Variants in RBM27 observed in about 807,000 individuals in gnomAD.
The protein encoded by RBM27 is RNA-binding protein 27.
A neutral mutation model predicts 135.3 loss-of-function variants in RBM27; 22 were observed. The observed-to-expected ratio is 0.16, with a 90% CI of 0.12 to 0.23. The LOEUF is 0.23. Ranked by LOEUF, RBM27 falls within the 10% of genes least tolerant of loss-of-function variation. The pLI is 1.00. For synonymous variants in RBM27, 481 were observed against 442.4 expected, an observed-to-expected ratio of 1.09 and a Z score of -1.10; for missense variants, 1,009 against 1,281.0, an observed-to-expected ratio of 0.79 and a Z score of 3.24.
At chr5:146,234,519 T>A (rs368225183) in intron 7 of RBM27, among the ~76,000 whole-genome samples, 9 of 148,980 alleles carry the variant, frequency 6.0e-5, no homozygotes, top group East Asian at 1.9e-4. Flanking sequence ...TTTTGTTATT[T>A]AAAAAAAAAA....
At chr5:146,212,051 T>C in intron 1 of RBM27, among the ~76,000 whole-genome samples, 1 of 151,916 alleles carries the variant, frequency 6.6e-6, no homozygotes, top group East Asian at 1.9e-4. Flanking sequence ...GTTTTTTTGG[T>C]TTTTATTGTT....
At chr5:146,278,305 T>TA (rs1759178001) in intron 19 of RBM27, among the ~76,000 whole-genome samples, 1 of 152,176 alleles carries the variant, frequency 6.6e-6, no homozygotes, top group Admixed American at 6.5e-5. Flanking sequence ...ATGGTATATA[T>TA]AGTTGATCTC....
intron 11 of RBM27, among the ~76,000 whole-genome samples, chr5:146,259,253 C>T (rs571880132): frequency 5.3e-5 from 8 of 152,002 alleles, no homozygotes; most frequent in South Asian, 4.2e-4. Flanking sequence ...CAGTGGCTCA[C>T]GCCTATAATC....
In RBM27 at chr5:146,203,743, G is replaced by A; in HGVS notation, c.-23G>A. The A allele has an allele frequency of 6.5e-7, 1 of 1,548,914 alleles. No homozygotes were observed. The highest frequency in any genetic ancestry group is 8.7e-7 in the Non-Finnish European group (1 of 1,145,668). On this transcript the variant is annotated 5_prime_UTR_variant, in exon 1 of 21. Coordinates refer to ENST00000265271, the MANE Select transcript of RBM27 (RefSeq NM_018989.2). ...ACGGCAGGCCTGAAGAAGAGCGGCG[G>A]CCGAGCCCGCCTTCCCTGCACCATG... is the stretch of plus-strand genomic sequence containing the variant.
Position 146,228,959 on chromosome 5 carries a change from C to T in RBM27, c.317C>T (p.Pro106Leu). 6.2e-7 allele frequency: 1 copy of T among 1,613,212 alleles called. No individual in the cohort carries two copies. The highest frequency in any genetic ancestry group is 8.5e-7 in the Non-Finnish European group (1 of 1,179,496). The stretch of plus-strand genomic sequence containing the variant: ...ATTTTCATATAGGTATTTCAGGAGC[C>T]AGCAGAGGAAGAACGAGATGGCAGA... ...EEIKEEVFQE[P>L]AEEERDGRKK... Residue 106 changes from proline to leucine, a missense_variant, in exon 4 of 21, where the codon CCA becomes CTA. Pro to Leu is a moderately conservative substitution (Grantham distance 98, BLOSUM62 -3). Transcript: ENST00000265271.
At chr5:146,215,933 T>C (rs1448478359) in intron 1 of RBM27, among the ~76,000 whole-genome samples, 1 of 152,080 alleles carries the variant, frequency 6.6e-6, no homozygotes, top group Non-Finnish European at 1.5e-5. Flanking sequence ...GTATTTTTAG[T>C]AGAGACGGGA....
chr5:146,262,873 TTTC>T (rs752608999), intron 13 of RBM27, among the ~76,000 whole-genome samples: 87 of 152,098 alleles, frequency 5.7e-4, no homozygotes, highest in Non-Finnish European at 9.6e-4. Context: ...CCCTAATTCT[TTTC>T]TTCTTCTTTT....
intron 11 of RBM27, among the ~76,000 whole-genome samples, chr5:146,259,429 G>C (rs1031687802): frequency 6.7e-6 from 1 of 150,356 alleles, no homozygotes; most frequent in Non-Finnish European, 1.5e-5. Context: ...GCTGGAACCT[G>C]GGAGGCGGAG....
At chr5:146,244,694 C>T (rs1176838065) in intron 8 of RBM27, among the ~76,000 whole-genome samples, 1 of 151,998 alleles carries the variant, frequency 6.6e-6, no homozygotes, top group Non-Finnish European at 1.5e-5. Flanking sequence ...CATGCACCAC[C>T]ATGCCCAGCT....
intron 17 of RBM27, 38 bp downstream of exon 17, chr5:146,269,622 G>T: frequency 7.2e-7 from 1 of 1,395,036 alleles, no homozygotes; most frequent in South Asian, 1.7e-5. Context: ...TAGGGTTATT[G>T]AACATCTGCC....
At chr5:146,228,893 G>A in intron 3 of RBM27, 53 bp from the exon 4 acceptor site, 1 of 1,457,060 alleles carries the variant, frequency 6.9e-7, no homozygotes, top group South Asian at 1.1e-5. Flanking sequence ...GATTACAGGT[G>A]TGAGCCACCG....
In RBM27 at chr5:146,231,403, C is replaced by A. The variant is rs550306069; in HGVS notation, c.850+486C>A. ...TATAGGTGTGAGCCACCGCACCATGCCTATAGTCCAAATTTTGTTAAAAGG... is the reference window on the plus strand; with the variant it reads ...TATAGGTGTGAGCCACCGCACCATGACTATAGTCCAAATTTTGTTAAAAGG... On this transcript the variant is annotated intron_variant, in intron 6 of 20. Transcript: ENST00000265271. Among the ~76,000 whole-genome samples, 4 of 152,116 alleles carry A rather than the reference C, an allele frequency of 2.6e-5. No individual in the cohort carries two copies. The South Asian group carries it at 8.3e-4, about 32-fold the overall frequency.
intron 2 of RBM27, among the ~76,000 whole-genome samples, chr5:146,220,897 C>T (rs541772264): frequency 1.3e-5 from 2 of 151,992 alleles, no homozygotes; most frequent in Non-Finnish European, 2.9e-5. Flanking sequence ...AATGTTTAGA[C>T]GTCCAAGAAT....
At chr5:146,239,585 C>G (rs568405441) in intron 8 of RBM27, among the ~76,000 whole-genome samples, 57 of 143,976 alleles carry the variant, frequency 4.0e-4, no homozygotes, top group African/African-American at 1.4e-3. Flanking sequence ...TCAAGCAATT[C>G]TTGTGCCTCA....
At chr5:146,271,701 A>G (rs773081078) in intron 19 of RBM27, 27 bp downstream of exon 19, 6 of 1,564,938 alleles carry the variant, frequency 3.8e-6, no homozygotes, top group Non-Finnish European at 5.3e-6. Context: ...GCAAATGCTA[A>G]CTGTAAAAAC....
intron 19 of RBM27, among the ~76,000 whole-genome samples, chr5:146,275,416 G>A (rs1452839428): frequency 4.6e-5 from 7 of 151,610 alleles, no homozygotes; most frequent in African/African-American, 1.2e-4. Flanking sequence ...GATTACAGGC[G>A]TACACCTCCT....
intron 2 of RBM27, among the ~76,000 whole-genome samples, chr5:146,221,390 A>G (rs971942519): frequency 2.6e-5 from 4 of 152,164 alleles, no homozygotes; most frequent in Admixed American, 6.6e-5. Context: ...GCCATTAGCC[A>G]CATGTGGCTT....
chr5:146,273,000 A>G (rs907340631), intron 19 of RBM27, among the ~76,000 whole-genome samples: 1 of 152,186 alleles, frequency 6.6e-6, no homozygotes, highest in Non-Finnish European at 1.5e-5. Context: ...ATGGAGGAAC[A>G]CTATACAAGT....
At chr5:146,267,070 C>G (rs1758646716) in intron 14 of RBM27, among the ~76,000 whole-genome samples, 1 of 152,216 alleles carries the variant, frequency 6.6e-6, no homozygotes, top group Non-Finnish European at 1.5e-5. Flanking sequence ...CAGCCAGATA[C>G]CACCTGTAGC....
Sources: gnomAD v4.1 joint callset for allele counts (sites outside exome capture counted in the v4.1 genomes callset) on GRCh38, gnomAD v4.1.1 for gene constraint, MANE v1.5 for transcripts, NCBI Gene and HGNC (gene_info 2026-07-23, HGNC 2026-07-21) for gene names.